Variants in ENPP2 observed in about 807,000 individuals in gnomAD.
ENPP2 encodes the protein autotaxin.
In ENPP2, 51 loss-of-function variants were observed where a neutral mutation model predicts 120.2. That is an observed-to-expected ratio of 0.42 (90% CI 0.34 to 0.54). The LOEUF (loss-of-function observed/expected upper bound fraction) is 0.54. ENPP2 is among the 20% of genes least tolerant of loss of function. ENPP2 has a pLI of 0.04. For synonymous variants in ENPP2, 365 were observed against 366.4 expected, an observed-to-expected ratio of 1.00 and a Z score of 0.04; for missense variants, 920 against 1,066.5, an observed-to-expected ratio of 0.86 and a Z score of 1.91.
intron 21 of ENPP2, 61 bp from the exon 22 acceptor site, chr8:119,568,313 A>G: frequency 1.1e-6 from 1 of 921,464 alleles, no homozygotes; most frequent in Non-Finnish European, 1.7e-6. Context: ...AGTTAAAAAA[A>G]AAAGGGAGAG....
chr8:119,669,415 T>C (rs1170763196), intron 1 of ENPP2, among the ~76,000 whole-genome samples: 3 of 152,232 alleles, frequency 2.0e-5, no homozygotes, highest in Non-Finnish European at 1.5e-5. Context: ...TTTTAATAGA[T>C]AATAAAATCA....
chr8:119,564,306 T>C (rs1011317604), intron 23 of ENPP2, among the ~76,000 whole-genome samples: 15 of 152,116 alleles, frequency 9.9e-5, no homozygotes, highest in African/African-American at 3.6e-4. Context: ...ATTTTTTTCA[T>C]AGAATAAAAA....
intron 1 of ENPP2, among the ~76,000 whole-genome samples, chr8:119,667,591 T>C (rs1185578606): frequency 6.6e-6 from 1 of 152,230 alleles, no homozygotes; most frequent in African/African-American, 2.4e-5. Flanking sequence ...CATACTCTTA[T>C]AACTCCTAAT....
At chr8:119,628,963 A>G (rs1373983458) in intron 2 of ENPP2, among the ~76,000 whole-genome samples, 5 of 152,162 alleles carry the variant, frequency 3.3e-5, no homozygotes, top group Admixed American at 1.3e-4. Context: ...ACATTCTACA[A>G]ATTCACAGGT....
intron 24 of ENPP2, among the ~76,000 whole-genome samples, chr8:119,559,800 C>T (rs541890845): frequency 1.2e-3 from 182 of 152,340 alleles, no homozygotes; most frequent in Admixed American, 2.6e-3. Flanking sequence ...ATTGATTCTT[C>T]ACCTGTCTTT....
intron 19 of ENPP2, chr8:119,572,967 T>A (rs537208010): frequency 6.6e-6 from 1 of 152,374 alleles, no homozygotes; most frequent in East Asian, 1.9e-4. Context: ...GCTGGCCCCA[T>A]GTTACAGTTT....
intron 1 of ENPP2, among the ~76,000 whole-genome samples, chr8:119,653,995 T>C (rs1817696548): frequency 2.0e-5 from 3 of 146,932 alleles, no homozygotes; most frequent in African/African-American, 2.5e-5. Flanking sequence ...CTATAGAAAA[T>C]ATTATATATT....
At chr8:119,618,363 C>T (rs760959762) in intron 5 of ENPP2, 1 of 471,624 alleles carries the variant, frequency 2.1e-6, no homozygotes, top group Non-Finnish European at 4.3e-6. Context: ...GTCTTCCCCA[C>T]AAAGAGACCA....
At chr8:119,580,206 A>G in intron 18 of ENPP2, 39 bp from the exon 19 acceptor site, 1 of 1,542,424 alleles carries the variant, frequency 6.5e-7, no homozygotes, top group Non-Finnish European at 9.0e-7. Context: ...AAAGAAAGCA[A>G]ATCAGAAATG....
At chr8:119,589,799 C>T (rs992100030) in intron 13 of ENPP2, among the ~76,000 whole-genome samples, 6 of 151,752 alleles carry the variant, frequency 4.0e-5, no homozygotes, top group African/African-American at 1.5e-4. Flanking sequence ...TTTCAAAGTG[C>T]GGCATAACCC....
At chr8:119,644,591 TATATATATATATATATATATATATATATA>T (rs1331195539) in intron 1 of ENPP2, among the ~76,000 whole-genome samples, 7 of 55,438 alleles carry the variant, frequency 1.3e-4, no homozygotes, top group African/African-American at 4.9e-4. Flanking sequence ...TACTAAAATA[TATATATATATATATATATATATATATATA>T]TATATACACA....
At chr8:119,575,412 C>A (rs1812265004) in intron 19 of ENPP2, among the ~76,000 whole-genome samples, 1 of 152,114 alleles carries the variant, frequency 6.6e-6, no homozygotes, top group Non-Finnish European at 1.5e-5. Flanking sequence ...ACAGTAGTTT[C>A]TGTCAAAGCA....
intron 3 of ENPP2, among the ~76,000 whole-genome samples, chr8:119,625,172 A>G (rs1816183959): frequency 6.6e-6 from 1 of 152,202 alleles, no homozygotes; most frequent in South Asian, 2.1e-4. Flanking sequence ...CTCAGTGCCA[A>G]GCAAACACAG....
rs34469483 is a variant in ENPP2 at position 119,636,782 on chromosome 8, A to ATT, written c.136+1641_136+1642dup. 2.0e-5 allele frequency among the ~76,000 whole-genome samples: 3 copies of ATT among 147,836 alleles called. No homozygotes were observed. In the East Asian group the frequency reaches 6.0e-4, roughly 29 times the overall value. Reference sequence around the variant, plus strand: ...GCAATGAAACAGAATAATTCCTGGGATTTTTTTTTTTTAATCCAGAAAGAA... The same window carrying ATT: ...GCAATGAAACAGAATAATTCCTGGGATTTTTTTTTTTTTTAATCCAGAAAGAA... On this transcript the variant is annotated intron_variant, in intron 2 of 24. Transcript: ENST00000075322.
At chr8:119,628,605 G>A (rs948234385) in intron 2 of ENPP2, among the ~76,000 whole-genome samples, 2 of 151,970 alleles carry the variant, frequency 1.3e-5, no homozygotes, top group African/African-American at 2.4e-5. Context: ...GAGTCAGATC[G>A]GTGTAGGCTA....
chr8:119,565,859 A>G (rs1814381152), intron 22 of ENPP2, among the ~76,000 whole-genome samples: 1 of 151,814 alleles, frequency 6.6e-6, no homozygotes, highest in African/African-American at 2.4e-5. Context: ...GTCAGACTGT[A>G]TCTTTCTCTT....
chr8:119,595,440 T>C (rs1813817785), intron 11 of ENPP2, among the ~76,000 whole-genome samples: 1 of 152,200 alleles, frequency 6.6e-6, no homozygotes, highest in African/African-American at 2.4e-5. Flanking sequence ...TACAGACCCC[T>C]AATCTAAGCC....
chr8:119,651,945 G>T (rs1817638866), intron 1 of ENPP2, among the ~76,000 whole-genome samples: 1 of 152,196 alleles, frequency 6.6e-6, no homozygotes, highest in South Asian at 2.1e-4. Flanking sequence ...GCTGTGTCAA[G>T]TACCGCTTGA....
chr8:119,636,435 G>A (rs1412641689), intron 2 of ENPP2, among the ~76,000 whole-genome samples: 2 of 152,038 alleles, frequency 1.3e-5, no homozygotes, highest in African/African-American at 2.4e-5. Context: ...TCAGAGTTAG[G>A]TTGCATTGTA....
Sources: gnomAD v4.1 joint callset for allele counts (sites outside exome capture counted in the v4.1 genomes callset) on GRCh38, gnomAD v4.1.1 for gene constraint, MANE v1.5 for transcripts, NCBI Gene and HGNC (gene_info 2026-07-23, HGNC 2026-07-21) for gene names.